Variants in ADAM29 observed in about 807,000 individuals in gnomAD.
ADAM29 encodes ADAM metallopeptidase domain 29.
For missense variants in ADAM29, 969 were observed against 1,001.8 expected (o/e 0.97, Z 0.44); for synonymous variants, 367 against 342.3 (o/e 1.07, Z -0.80).
chr4:174,967,644 C>T (rs966111208), intron 4 of ADAM29, among the ~76,000 whole-genome samples: 2 of 152,178 alleles, frequency 1.3e-5, no homozygotes, highest in Non-Finnish European at 2.9e-5. Flanking sequence ...TGGATATTTC[C>T]TGAGTTTGGT....
intron 4 of ADAM29, among the ~76,000 whole-genome samples, chr4:174,947,545 G>A (rs916010268): frequency 6.6e-6 from 1 of 152,148 alleles, no homozygotes; most frequent in African/African-American, 2.4e-5. Context: ...CCTCGTAATT[G>A]TATGGTTTTG....
chr4:174,940,512 CAGAAA>C (rs1211485185), intron 4 of ADAM29, among the ~76,000 whole-genome samples: 1 of 151,760 alleles, frequency 6.6e-6, no homozygotes, highest in African/African-American at 2.4e-5. Context: ...TTATACAGAT[CAGAAA>C]AAAGAGCCAC....
rs1742982401 is a variant in ADAM29, at chr4:174,918,385, G to A, written c.-643G>A. 1 of 152,060 alleles carries A rather than the reference G, an allele frequency of 6.6e-6. No individual in the cohort carries two copies. The highest frequency in any genetic ancestry group is 2.1e-4 in the South Asian group (1 of 4,826). 9.4% of individuals were successfully genotyped at this position (152,060 alleles called of 1,614,324 possible). On this transcript the variant is annotated 5_prime_UTR_variant, in exon 1 of 5. Transcript: ENST00000359240. ...GACATCACATCCACTAACCAAATGG[G>A]GTGGTGTGAGTATCTCCTATAAAAT...
chr4:174,930,220 G>A (rs946428982), intron 2 of ADAM29, among the ~76,000 whole-genome samples: 1 of 152,002 alleles, frequency 6.6e-6, no homozygotes, highest in African/African-American at 2.4e-5. Context: ...GTGAGCCACC[G>A]CTCCCAGCCT....
At chr4:174,961,816 C>T (rs1272697397) in intron 4 of ADAM29, among the ~76,000 whole-genome samples, 1 of 152,188 alleles carries the variant, frequency 6.6e-6, no homozygotes, top group Non-Finnish European at 1.5e-5. Context: ...CCTATCCAGT[C>T]AGAGCACACA....
At chr4:174,955,516 C>T (rs6833590) in intron 4 of ADAM29, among the ~76,000 whole-genome samples, 63,572 of 151,704 alleles carry the variant, frequency 0.42, 13,863 homozygotes, top group African/African-American at 0.54. Context: ...TCTGCTTTAT[C>T]GAGATGTTTA....
rs1321049098 is a variant in ADAM29, at chr4:174,923,521, A to ATATGTG, written c.-451+2734_-451+2735insGTATGT. On this transcript the variant is annotated intron_variant, in intron 2 of 4. Transcript: ENST00000359240. ...CATCATCCCCTATATACTGTGCATT[A>ATATGTG]TATGTATATATATATATATATATAT... Among the ~76,000 whole-genome samples, 5 of 35,956 alleles carry ATATGTG rather than the reference A, an allele frequency of 1.4e-4. No individual in the cohort carries two copies. The East Asian group carries it at 0.01, about 74-fold the overall frequency. The allele number at this position is 35,956 out of a possible 152,430, so 23.6% of individuals were successfully genotyped here.
intron 4 of ADAM29, among the ~76,000 whole-genome samples, chr4:174,965,369 T>A (rs890503793): frequency 1.9e-4 from 29 of 151,932 alleles, no homozygotes; most frequent in African/African-American, 6.3e-4. Context: ...TCATAAGAGG[T>A]CTACCCCCAT....
At chr4:174,945,939 TG>T (rs1411006361) in intron 4 of ADAM29, among the ~76,000 whole-genome samples, 1 of 152,210 alleles carries the variant, frequency 6.6e-6, no homozygotes, top group African/African-American at 2.4e-5. Context: ...GCCTCAGCTT[TG>T]TTCTTTTTGC....
Position 174,977,619 on chromosome 4 carries a change from TA to T in ADAM29, c.2101del (p.Ser701ValfsTer4), listed in dbSNP as rs34732497. ...ILLCCLYRLC[K>X]KSKPIKKQQD... ...TATTATGTTGTCTTTATCGACTTTG[TA>T]AAAAAAGTAAACCAATAAAAAAGCA... On this transcript the variant is annotated frameshift_variant, in exon 5 of 5. Transcript: ENST00000359240. LOFTEE classifies it low-confidence loss of function (END_TRUNC). The T allele has an allele frequency of 1.2e-6, 2 of 1,613,826 alleles. No homozygotes were observed. The highest frequency in any genetic ancestry group is 1.1e-5 in the South Asian group (1 of 91,050).
intron 4 of ADAM29, among the ~76,000 whole-genome samples, chr4:174,942,157 C>T (rs148517232): frequency 2.0e-3 from 301 of 152,278 alleles, no homozygotes; most frequent in Admixed American, 3.1e-3. Context: ...GTCCCCATGA[C>T]GGCTTTCATG....
chr4:174,959,970 T>C (rs1034714389), intron 4 of ADAM29, among the ~76,000 whole-genome samples: 12 of 152,146 alleles, frequency 7.9e-5, no homozygotes, highest in African/African-American at 2.9e-4. Context: ...TTTGTAACAA[T>C]GATTTTTACA....
Position 174,925,176 on chromosome 4 carries a change from G to A in ADAM29, c.-451+4384G>A, listed in dbSNP as rs115129659. Reference sequence around the variant, plus strand: ...AAGACATGACTAATTGTGATGTGGTGTCCTGGATGGGACCTTGGAATCACA... The same window carrying A: ...AAGACATGACTAATTGTGATGTGGTATCCTGGATGGGACCTTGGAATCACA... On this transcript the variant is annotated intron_variant, in intron 2 of 4. Coordinates refer to ENST00000359240, the MANE Select transcript of ADAM29 (RefSeq NM_014269.4). 7.0e-3 allele frequency among the ~76,000 whole-genome samples: 1,065 copies of A among 152,316 alleles called. 8 individuals carry two copies. Among genetic ancestry groups the A allele is most frequent in the African/African-American group, 0.023 (975 of 41,580 alleles).
At chr4:174,958,714 C>T in intron 4 of ADAM29, among the ~76,000 whole-genome samples, 1 of 150,918 alleles carries the variant, frequency 6.6e-6, no homozygotes, top group South Asian at 2.1e-4. Flanking sequence ...CTAGTCTCTA[C>T]CTCTTGTTCT....
At chr4:174,925,310 T>C (rs921213330) in intron 2 of ADAM29, among the ~76,000 whole-genome samples, 1 of 152,136 alleles carries the variant, frequency 6.6e-6, no homozygotes, top group Admixed American at 6.6e-5. Flanking sequence ...TAATGTAAGA[T>C]GTTTCTAATA....
chr4:174,948,438 A>C (rs999782522), intron 4 of ADAM29, among the ~76,000 whole-genome samples: 5 of 152,160 alleles, frequency 3.3e-5, no homozygotes, highest in African/African-American at 1.2e-4. Context: ...TCCAAAGCTC[A>C]GCTCGGCACT....
chr4:174,929,543 G>A (rs1350091115), intron 2 of ADAM29, among the ~76,000 whole-genome samples: 2 of 152,034 alleles, frequency 1.3e-5, no homozygotes, highest in African/African-American at 4.8e-5. Flanking sequence ...CTCGCAGTTT[G>A]AATCCCAGGT....
intron 4 of ADAM29, among the ~76,000 whole-genome samples, chr4:174,965,256 A>G (rs541617719): frequency 2.1e-5 from 3 of 145,996 alleles, no homozygotes; most frequent in South Asian, 2.2e-4. Context: ...GAGAGAGAGA[A>G]ACCAAGGAAG....
At chr4:174,953,526 A>C (rs1404962278) in intron 4 of ADAM29, among the ~76,000 whole-genome samples, 2 of 152,200 alleles carry the variant, frequency 1.3e-5, no homozygotes, top group Admixed American at 6.5e-5. Flanking sequence ...AAACTCACAT[A>C]ATATGAAGAC....
Sources: allele counts gnomAD v4.1 joint callset (sites outside exome capture counted in the v4.1 genomes callset), GRCh38; gene constraint gnomAD v4.1.1; transcripts MANE v1.5; gene names NCBI Gene and HGNC (gene_info 2026-07-23, HGNC 2026-07-21).